DCAF6: variants seen among roughly 807,000 people sequenced by gnomAD.
DCAF6 encodes DDB1 and CUL4 associated factor 6.
Under a neutral mutation model 125.1 loss-of-function variants are expected in DCAF6, and 54 were observed. The ratio of observed to expected loss-of-function variants is 0.43; its 90% CI spans 0.35 to 0.54. The LOEUF (loss-of-function observed/expected upper bound fraction) is 0.54. DCAF6 is among the 20% of genes least tolerant of loss of function. The pLI is 0.01. For synonymous variants in DCAF6, 371 were observed against 390.4 expected, an observed-to-expected ratio of 0.95 and a Z score of 0.58; for missense variants, 934 against 1,161.7, an observed-to-expected ratio of 0.80 and a Z score of 2.85.
At chr1:167,974,437 T>C (rs956577092) in intron 3 of DCAF6, among the ~76,000 whole-genome samples, 1 of 152,166 alleles carries the variant, frequency 6.6e-6, no homozygotes, top group Non-Finnish European at 1.5e-5. Context: ...ATGAAAATAA[T>C]TAAAATTCAG....
the DCAF6 span, among the ~76,000 whole-genome samples, chr1:167,888,857 A>C: frequency 9.4e-5 from 12 of 128,090 alleles, no homozygotes; most frequent in African/African-American, 2.6e-4. Flanking sequence ...GCCTGGGCGA[A>C]AGAGGGAGAC....
At chr1:167,942,520 C>T (rs1571576438) in intron 1 of DCAF6, among the ~76,000 whole-genome samples, 1 of 152,164 alleles carries the variant, frequency 6.6e-6, no homozygotes, top group South Asian at 2.1e-4. Context: ...CAGATATGTA[C>T]TTTACAAATA....
intron 21 of DCAF6, among the ~76,000 whole-genome samples, chr1:168,070,813 G>A (rs1692927039): frequency 6.6e-6 from 1 of 152,186 alleles, no homozygotes; most frequent in South Asian, 2.1e-4. Flanking sequence ...CCTCTAGAAT[G>A]TCTTAGAATC....
chr1:167,866,973 C>A, the DCAF6 span, among the ~76,000 whole-genome samples: 45,089 of 151,954 alleles, frequency 0.3, 7,392 homozygotes, highest in African/African-American at 0.44. Flanking sequence ...AACATAAAGT[C>A]CCCCCCATGC....
intron 6 of DCAF6, among the ~76,000 whole-genome samples, chr1:167,992,591 T>C (rs1257557665): frequency 2.0e-5 from 3 of 152,240 alleles, no homozygotes; most frequent in Non-Finnish European, 4.4e-5. Flanking sequence ...ATTTTGAGCA[T>C]GATAAGACTT....
At chr1:167,960,175 G>A (rs538221919) in intron 2 of DCAF6, among the ~76,000 whole-genome samples, 16 of 151,978 alleles carry the variant, frequency 1.1e-4, no homozygotes, top group African/African-American at 3.6e-4. Context: ...TCCGATGATC[G>A]TGTTTATGTG....
chr1:167,978,506 T>G (rs563796435), intron 4 of DCAF6, among the ~76,000 whole-genome samples: 9 of 152,236 alleles, frequency 5.9e-5, no homozygotes, highest in Non-Finnish European at 1.3e-4. Context: ...GATGTATTCT[T>G]AATGAAATGT....
intron 21 of DCAF6, among the ~76,000 whole-genome samples, chr1:168,069,449 CG>C (rs1692763324): frequency 6.6e-6 from 1 of 152,152 alleles, no homozygotes; most frequent in Admixed American, 6.5e-5. Flanking sequence ...TTTTTATAAT[CG>C]TGCTGTCCCC....
intron 3 of DCAF6, among the ~76,000 whole-genome samples, chr1:167,971,047 C>T (rs1454814737): frequency 6.6e-6 from 1 of 152,142 alleles, no homozygotes; most frequent in Non-Finnish European, 1.5e-5. Context: ...GATTTGGCCT[C>T]AGCCAGCTAC....
At chr1:167,880,624 G>C in the DCAF6 span, 1 of 1,571,492 alleles carries the variant, frequency 6.4e-7, no homozygotes, top group Middle Eastern at 1.7e-4. Flanking sequence ...GAGGGAGAGA[G>C]ACAGCAACCA....
chr1:167,875,833 G>C, the DCAF6 span, among the ~76,000 whole-genome samples: 1 of 152,108 alleles, frequency 6.6e-6, no homozygotes, highest in Non-Finnish European at 1.5e-5. Context: ...GTTGCCTGTA[G>C]TCCCAGCTAC....
the DCAF6 span, among the ~76,000 whole-genome samples, chr1:167,887,874 A>C: frequency 6.6e-6 from 1 of 151,458 alleles, no homozygotes; most frequent in Admixed American, 6.6e-5. Flanking sequence ...TGCCCACTCC[A>C]ATGTCCTTGA....
Position 167,974,965 on chromosome 1 carries a change from G to A in DCAF6, c.388G>A (p.Glu130Lys). 1 of 1,608,124 alleles carries A rather than the reference G, an allele frequency of 6.2e-7. No homozygotes were observed. Among genetic ancestry groups the A allele is most frequent in the Non-Finnish European group, 8.5e-7 (1 of 1,177,546 alleles). ...IFYTNVEQDA[E>K]TNRQCQFTCH... ...TTATACCAACGTTGAGCAAGATGCA[G>A]AAACCAACAGACAATGCCAATTTAC... Residue 130 changes from glutamate (E) to lysine (K), a missense_variant, in exon 4 of 22, where the codon GAA becomes AAA. By Grantham distance (56) the Glu-to-Lys change is moderately conservative. This residue lies in a region of DCAF6 where 309 missense variants were observed against 381.2 expected (regional missense o/e 0.81). Coordinates refer to ENST00000367840, the MANE Select transcript of DCAF6 (RefSeq NM_001198956.2).
At chr1:168,036,231 A>G (rs768248653) in intron 12 of DCAF6, among the ~76,000 whole-genome samples, 4 of 152,174 alleles carry the variant, frequency 2.6e-5, no homozygotes, top group African/African-American at 4.8e-5. Context: ...ATATATTCCT[A>G]TAGTCATAGC....
the DCAF6 span, among the ~76,000 whole-genome samples, chr1:167,921,074 TC>T: frequency 6.6e-6 from 1 of 152,334 alleles, no homozygotes; most frequent in East Asian, 1.9e-4. Context: ...GCCAATGTTA[TC>T]ATTTTTAAAT....
upstream of DCAF6, among the ~76,000 whole-genome samples, chr1:167,934,181 T>A (rs1487382814): frequency 1.3e-5 from 2 of 152,224 alleles, no homozygotes; most frequent in Non-Finnish European, 2.9e-5. Context: ...AGTAGTATTT[T>A]AAGCAGTAAT....
At chr1:167,950,057 T>C (rs937496717) in intron 1 of DCAF6, among the ~76,000 whole-genome samples, 2 of 152,246 alleles carry the variant, frequency 1.3e-5, no homozygotes, top group Admixed American at 6.5e-5. Flanking sequence ...AAACGTCATA[T>C]AGAAGAGTTC....
At chr1:167,912,352 C>T in the DCAF6 span, among the ~76,000 whole-genome samples, 2 of 152,232 alleles carry the variant, frequency 1.3e-5, no homozygotes, top group Non-Finnish European at 2.9e-5. Flanking sequence ...GCCCACCCAA[C>T]ATGGCGATTC....
chr1:167,899,009 A>G, the DCAF6 span, among the ~76,000 whole-genome samples: 2 of 152,070 alleles, frequency 1.3e-5, no homozygotes, highest in African/African-American at 2.4e-5. Context: ...CACTTGCTCA[A>G]CTCCAACCTT....
Sources: gnomAD v4.1 joint callset for allele counts (sites outside exome capture counted in the v4.1 genomes callset) on GRCh38, gnomAD v4.1.1 for gene constraint, gnomAD v4.1.1 regional missense constraint, MANE v1.5 for transcripts, NCBI Gene and HGNC (gene_info 2026-07-23, HGNC 2026-07-21) for gene names.